ARL5A: variants seen among roughly 807,000 people sequenced by gnomAD.
The protein encoded by ARL5A is ADP-ribosylation factor-like protein 5A.
ARL5A carries 18 observed loss-of-function variants against 25.9 expected under a neutral mutation model. The observed-to-expected ratio is 0.69, with a 90% CI of 0.48 to 1.03. The LOEUF is 1.03. ARL5A is among the 50% of genes least tolerant of loss of function. The probability of loss-of-function intolerance (pLI) is 0.00; values close to 1 mark genes in which losing one functional copy is unlikely to be tolerated. For missense variants in ARL5A, 170 were observed against 211.9 expected (o/e 0.80, Z 1.23); for synonymous variants, 61 against 67.5 (o/e 0.90, Z 0.47).
In ARL5A at chr2:151,814,223, A is replaced by G. The variant is rs1193551326; in HGVS notation, c.201T>C (p.Ile67=). Residue 67 remains isoleucine, a synonymous_variant, in exon 3 of 6, where the codon ATT becomes ATC. Coordinates refer to ENST00000295087, the MANE Select transcript of ARL5A (RefSeq NM_012097.4). ...INNTRFLMWD[I]GGQESLRSSW... is the part of the protein sequence containing the mutation. ...AAGAACGAAGAGATTCTTGGCCACC[A>G]ATATCCCACATTAGGAAACGTGTAT... 8 of 1,608,296 alleles carry G rather than the reference A, an allele frequency of 5.0e-6. No homozygotes were observed. Among genetic ancestry groups the G allele is most frequent in the Non-Finnish European group, 5.9e-6 (7 of 1,178,166 alleles).
intron 3 of ARL5A, 25 bp from the exon 4 acceptor site, chr2:151,812,465 T>G: frequency 6.9e-7 from 1 of 1,444,870 alleles, no homozygotes; most frequent in Non-Finnish European, 9.5e-7. Context: ...AAAAAATTAT[T>G]AGTGATTATA....
chr2:151,805,341 G>A (rs981915676), intron 5 of ARL5A, among the ~76,000 whole-genome samples: 1 of 151,652 alleles, frequency 6.6e-6, no homozygotes, highest in Non-Finnish European at 1.5e-5. Flanking sequence ...ACCCTTCATC[G>A]TGGTCTTGAA....
At position 151,802,208 on chromosome 2, in the gene ARL5A, T is replaced by C. The variant is rs2099829519; in HGVS notation, c.*1068A>G. ...ATCAATGTTGCTCAGAAACATGCCTTACTTTTACTCTGAAATTCACTTTAA... is the reference window on the plus strand; with the variant it reads ...ATCAATGTTGCTCAGAAACATGCCTCACTTTTACTCTGAAATTCACTTTAA... On this transcript the variant is annotated 3_prime_UTR_variant, in exon 6 of 6. Coordinates refer to ENST00000295087, the MANE Select transcript of ARL5A (RefSeq NM_012097.4). 1.3e-5 allele frequency: 2 copies of C among 152,128 alleles called. No individual in the cohort carries two copies. Among genetic ancestry groups the C allele is most frequent in the Admixed American group, 1.3e-4 (2 of 15,270 alleles). 9.4% of individuals were successfully genotyped at this position (152,128 alleles called of 1,614,324 possible).
Position 151,802,993 on chromosome 2 carries a change from C to G in ARL5A, c.*283G>C. 3.1e-6 allele frequency: 1 copy of G among 318,660 alleles called. No individual in the cohort carries two copies. The highest frequency in any genetic ancestry group is 5.8e-6 in the Non-Finnish European group (1 of 173,634). The allele number at this position is 318,660 out of a possible 1,614,324, so 19.7% of individuals were successfully genotyped here. ...CTTAAAATTCAAAATGTCTTCCTCT[C>G]CCTTTGTACTTACCATAGGCTACAC... On this transcript the variant is annotated 3_prime_UTR_variant, in exon 6 of 6. Transcript: ENST00000295087.
In ARL5A at chr2:151,815,212, AAAC is replaced by A. The variant is rs111646901; in HGVS notation, c.47-16_47-14del. ...ATAACTTTGTGCTCTGAAATAGAGA[AAAC>A]ACCAGTGATTTTTTTTCAAAAAAGG... On this transcript the variant is annotated splice_polypyrimidine_tract_variant and intron_variant, in intron 1 of 5. Coordinates refer to ENST00000295087, the MANE Select transcript of ARL5A (RefSeq NM_012097.4). 1.7e-3 allele frequency: 2,662 copies of A among 1,585,318 alleles called. 48 individuals are homozygous for A. In the African/African-American group the frequency reaches 0.032, roughly 19 times the overall value.
At chr2:151,819,934 T>C (rs556074886) in intron 1 of ARL5A, among the ~76,000 whole-genome samples, 6 of 152,298 alleles carry the variant, frequency 3.9e-5, no homozygotes, top group African/African-American at 1.4e-4. Context: ...CGTGAGCCTA[T>C]AGTCCCAGCT....
chr2:151,822,302 C>T (rs1578382257), intron 1 of ARL5A, among the ~76,000 whole-genome samples: 2 of 152,222 alleles, frequency 1.3e-5, no homozygotes, highest in South Asian at 2.1e-4. Flanking sequence ...TGAGCCACTG[C>T]GTCCCGGCCA....
chr2:151,815,321 T>C, intron 1 of ARL5A, 122 bp from the exon 2 acceptor site: 1 of 730,272 alleles, frequency 1.4e-6, no homozygotes, highest in Non-Finnish European at 2.2e-6. Flanking sequence ...GCATGGCACT[T>C]TATACTTTCT....
chr2:151,805,240 CCTT>C (rs988179399), intron 5 of ARL5A, among the ~76,000 whole-genome samples: 4 of 151,480 alleles, frequency 2.6e-5, no homozygotes, highest in African/African-American at 9.7e-5. Flanking sequence ...AATTAAAAAA[CCTT>C]TTTTAAGGTT....
chr2:151,825,684 A>T (rs1331443213), intron 1 of ARL5A, among the ~76,000 whole-genome samples: 1 of 152,236 alleles, frequency 6.6e-6, no homozygotes, highest in Non-Finnish European at 1.5e-5. Flanking sequence ...TTTAAGTTTC[A>T]TCAGATGGCA....
At chr2:151,819,467 T>C (rs11683122) in intron 1 of ARL5A, among the ~76,000 whole-genome samples, 103,911 of 152,064 alleles carry the variant, frequency 0.68, 39,250 homozygotes, top group Non-Finnish European at 0.84. Flanking sequence ...CCATTTTTTT[T>C]TTGTTAAGTG....
chr2:151,826,200 T>C (rs2099833032), intron 1 of ARL5A, among the ~76,000 whole-genome samples: 1 of 152,214 alleles, frequency 6.6e-6, no homozygotes, highest in Non-Finnish European at 1.5e-5. Flanking sequence ...AGTGACCCTA[T>C]TGATAAGACA....
intron 3 of ARL5A, 130 bp downstream of exon 3, chr2:151,814,039 T>TTA: frequency 1.0e-5 from 8 of 803,578 alleles, no homozygotes; most frequent in Non-Finnish European, 1.5e-5. Flanking sequence ...GAAATCAGAT[T>TTA]TTACTCTGCT....
At chr2:151,811,277 A>AAC (rs2099830808) in intron 4 of ARL5A, among the ~76,000 whole-genome samples, 1 of 152,172 alleles carries the variant, frequency 6.6e-6, no homozygotes, top group Admixed American at 6.5e-5. Context: ...ATTAACATAA[A>AAC]ACTTCACTAC....
intron 1 of ARL5A, among the ~76,000 whole-genome samples, chr2:151,827,199 C>A (rs1003264525): frequency 1.3e-5 from 2 of 152,198 alleles, no homozygotes; most frequent in Non-Finnish European, 2.9e-5. Flanking sequence ...CAAAAGTACA[C>A]CACTGTATCT....
At chr2:151,820,227 G>C (rs16830400) in intron 1 of ARL5A, among the ~76,000 whole-genome samples, 3,264 of 152,304 alleles carry the variant, frequency 0.021, 32 homozygotes, top group East Asian at 0.049. Context: ...ATGAACTAGA[G>C]TATCAATAAG....
In ARL5A at chr2:151,800,371, G is replaced by A. The variant is rs2099829248; in HGVS notation, c.*2905C>T. 6.6e-6 allele frequency: 1 copy of A among 152,174 alleles called. No individual in the cohort carries two copies. 9.4% of individuals were successfully genotyped at this position (152,174 alleles called of 1,614,324 possible). A position where few individuals can be genotyped will look rare whatever the true frequency, so the allele number is the denominator to read the frequency against. On this transcript the variant is annotated 3_prime_UTR_variant, in exon 6 of 6. Coordinates refer to ENST00000295087, the MANE Select transcript of ARL5A (RefSeq NM_012097.4). Reference sequence around the variant, plus strand: ...CTTCATGCCTTTGCTCAAGCTCTGTGCATTTCTCTGGGTCTCAAATGACCT... The same window carrying A: ...CTTCATGCCTTTGCTCAAGCTCTGTACATTTCTCTGGGTCTCAAATGACCT...
At chr2:151,806,120 T>C (rs2099830077) in intron 5 of ARL5A, among the ~76,000 whole-genome samples, 1 of 152,198 alleles carries the variant, frequency 6.6e-6, no homozygotes, top group Non-Finnish European at 1.5e-5. Flanking sequence ...ATCCTCTCCA[T>C]CTTCCTGGTC....
chr2:151,819,751 T>C (rs1375391766), intron 1 of ARL5A, among the ~76,000 whole-genome samples: 1 of 144,524 alleles, frequency 6.9e-6, no homozygotes, highest in Non-Finnish European at 1.5e-5. Context: ...CAAAAACTAC[T>C]GAAAAAAAAA....
Sources: allele counts gnomAD v4.1 joint callset (sites outside exome capture counted in the v4.1 genomes callset), GRCh38; gene constraint gnomAD v4.1.1; transcripts MANE v1.5; gene names NCBI Gene and HGNC (gene_info 2026-07-23, HGNC 2026-07-21).